BLOC1S5: variants seen among roughly 807,000 people sequenced by gnomAD.
BLOC1S5 encodes biogenesis of lysosome-related organelles complex 1 subunit 5.
Under a neutral mutation model 24.3 loss-of-function variants are expected in BLOC1S5, and 27 were observed. That is an observed-to-expected ratio of 1.11 (90% CI 0.82 to 1.53). BLOC1S5 has a LOEUF of 1.53. BLOC1S5 is among the 40% of genes most tolerant of loss of function. BLOC1S5 has a pLI of 0.00. For synonymous variants in BLOC1S5, 84 were observed against 74.5 expected, an observed-to-expected ratio of 1.13 and a Z score of -0.66; for missense variants, 239 against 229.4, an observed-to-expected ratio of 1.04 and a Z score of -0.27.
chr6:8,062,533 C>T lies in BLOC1S5; in HGVS notation c.195+1G>A. On this transcript the variant is annotated splice_donor_variant, in intron 2 of 4. Transcript: ENST00000397457. LOFTEE classifies it high-confidence loss of function. ...TTTATAAAATAAGTTTAAATACTCA[C>T]TTCAAATTCTTTTACAAAATAACGA... 1 of 1,557,816 alleles carries T rather than the reference C, an allele frequency of 6.4e-7. No individual in the cohort carries two copies. Among genetic ancestry groups the T allele is most frequent in the Admixed American group, 1.8e-5 (1 of 56,608 alleles).
chr6:8,053,844 T>C (rs1016112284), intron 2 of BLOC1S5, among the ~76,000 whole-genome samples: 10 of 152,220 alleles, frequency 6.6e-5, no homozygotes, highest in Non-Finnish European at 8.8e-5. Flanking sequence ...TCTCTCTTTT[T>C]GGTGTATCTT....
At chr6:8,022,531 C>T (rs1034927765) in intron 4 of BLOC1S5, among the ~76,000 whole-genome samples, 6 of 150,032 alleles carry the variant, frequency 4.0e-5, no homozygotes, top group African/African-American at 1.5e-4. Context: ...TTATATAGAA[C>T]AATATGTACC....
intron 3 of BLOC1S5, 60 bp from the exon 4 acceptor site, chr6:8,026,485 T>TCCCCCA: frequency 7.5e-7 from 1 of 1,339,468 alleles, no homozygotes; most frequent in Non-Finnish European, 1.1e-6. Flanking sequence ...AACACATACC[T>TCCCCCA]GGGGGAGGAG....
chr6:8,022,678 G>A (rs1278146958), intron 4 of BLOC1S5, among the ~76,000 whole-genome samples: 1 of 134,498 alleles, frequency 7.4e-6, no homozygotes, highest in Non-Finnish European at 1.5e-5. Flanking sequence ...TCCGCCTCCC[G>A]GGTTCACGCC....
intron 4 of BLOC1S5, among the ~76,000 whole-genome samples, chr6:8,018,551 G>A (rs1481065720): frequency 6.6e-6 from 1 of 152,140 alleles, no homozygotes; most frequent in Non-Finnish European, 1.5e-5. Context: ...AAAGAAAAAC[G>A]GAGCTTTGGC....
chr6:8,062,915 G>A (rs1757316326), intron 1 of BLOC1S5, among the ~76,000 whole-genome samples: 1 of 152,084 alleles, frequency 6.6e-6, no homozygotes. Flanking sequence ...ATTTATTACA[G>A]CATAGGTGTA....
chr6:8,047,160 T>TCTCTCACACA (rs1475934039), intron 2 of BLOC1S5, among the ~76,000 whole-genome samples: 42 of 126,938 alleles, frequency 3.3e-4, no homozygotes, highest in African/African-American at 1.1e-3. Flanking sequence ...TCTCTCTCTC[T>TCTCTCACACA]CACACACACA....
At chr6:8,021,306 C>T (rs937597963) in intron 4 of BLOC1S5, among the ~76,000 whole-genome samples, 3 of 151,962 alleles carry the variant, frequency 2.0e-5, no homozygotes, top group African/African-American at 4.8e-5. Flanking sequence ...GCAATATGAA[C>T]GAGTTCTGTG....
At position 8,050,856 on chromosome 6, in the gene BLOC1S5, C is replaced by T. The variant is rs184488518; in HGVS notation, c.196-9588G>A. On this transcript the variant is annotated intron_variant, in intron 2 of 4. Transcript: ENST00000397457. ...CTGACTTCAGGTGATCTGCCCGCCT[C>T]GGCCTCCCAAAGTGCTGGGATTACA... Among the ~76,000 whole-genome samples, 514 of 152,134 alleles carry T rather than the reference C, an allele frequency of 3.4e-3. 3 individuals carry two copies. The highest frequency in any genetic ancestry group is 0.031 in the East Asian group (157 of 5,106).
chr6:8,027,586 C>T (rs1323802514), intron 3 of BLOC1S5, among the ~76,000 whole-genome samples: 1 of 152,224 alleles, frequency 6.6e-6, no homozygotes, highest in Non-Finnish European at 1.5e-5. Context: ...GTAATCCCAG[C>T]ACTCTGGGAG....
intron 2 of BLOC1S5, 87 bp downstream of exon 2, chr6:8,062,447 G>A (rs1208478627): frequency 4.8e-6 from 4 of 830,976 alleles, no homozygotes; most frequent in East Asian, 5.6e-5. Context: ...ACTAAAATCC[G>A]ATTTTAAAAC....
Position 8,041,059 on chromosome 6 carries a change from C to T in BLOC1S5, c.325+80G>A, listed in dbSNP as rs115676659. 8.9e-4 allele frequency: 1,298 copies of T among 1,463,916 alleles called. 14 individuals carry two copies. In the African/African-American group the frequency reaches 0.017, roughly 19 times the overall value. 90.7% of individuals were successfully genotyped at this position (1,463,916 alleles called of 1,614,324 possible). A position where few individuals can be genotyped will look rare whatever the true frequency, so the allele number is the denominator to read the frequency against. On this transcript the variant is annotated intron_variant, in intron 3 of 4. Coordinates refer to ENST00000397457, the MANE Select transcript of BLOC1S5 (RefSeq NM_201280.3). ...GCTTCCCTCTCCCTCTCCACCTCCC[C>T]CCATAATACCCAAGAAAATACATTT...
chr6:8,041,658 T>TC (rs67189023), intron 2 of BLOC1S5, among the ~76,000 whole-genome samples: 27 of 126,346 alleles, frequency 2.1e-4, no homozygotes, highest in African/African-American at 3.8e-4. Flanking sequence ...TTTCTTTCTT[T>TC]TTTTTTGAGA....
chr6:8,060,295 A>T (rs970978326), intron 2 of BLOC1S5, among the ~76,000 whole-genome samples: 3 of 152,238 alleles, frequency 2.0e-5, no homozygotes, highest in Non-Finnish European at 4.4e-5. Context: ...AAAAGAAAGG[A>T]AGAATTGTGG....
At chr6:8,052,076 C>T (rs1764126910) in intron 2 of BLOC1S5, among the ~76,000 whole-genome samples, 1 of 149,764 alleles carries the variant, frequency 6.7e-6, no homozygotes, top group Admixed American at 6.8e-5. Context: ...ACGCCATTCT[C>T]CTGCCTCAGC....
At chr6:8,049,010 A>G (rs9379158) in intron 2 of BLOC1S5, among the ~76,000 whole-genome samples, 9 of 55,842 alleles carry the variant, frequency 1.6e-4, no homozygotes, top group South Asian at 1.4e-3. Context: ...ACTCCGCCTC[A>G]AAAGAAAGAA....
intron 2 of BLOC1S5, among the ~76,000 whole-genome samples, chr6:8,057,784 G>A (rs1764365824): frequency 6.6e-6 from 1 of 152,106 alleles, no homozygotes; most frequent in Non-Finnish European, 1.5e-5. Flanking sequence ...TATAATTATT[G>A]CACTATTAAA....
At chr6:8,023,252 A>G (rs932564186) in intron 4 of BLOC1S5, among the ~76,000 whole-genome samples, 2 of 152,188 alleles carry the variant, frequency 1.3e-5, no homozygotes, top group African/African-American at 2.4e-5. Context: ...ATAACTAGGG[A>G]ATGTGCATTT....
intron 2 of BLOC1S5, among the ~76,000 whole-genome samples, chr6:8,056,615 T>C (rs1764318495): frequency 6.6e-6 from 1 of 152,194 alleles, no homozygotes; most frequent in Non-Finnish European, 1.5e-5. Context: ...AAATGGTCTC[T>C]CAGTTCAAAG....
Sources: gnomAD v4.1 joint callset for allele counts (sites outside exome capture counted in the v4.1 genomes callset) on GRCh38, gnomAD v4.1.1 for gene constraint, MANE v1.5 for transcripts, NCBI Gene and HGNC (gene_info 2026-07-23, HGNC 2026-07-21) for gene names.